The following POLR3B variants were observed in gnomAD, a reference collection of about 807,000 sequenced individuals.
POLR3B encodes RNA polymerase III subunit B.
A neutral mutation model predicts 147.4 loss-of-function variants in POLR3B; 96 were observed. The ratio of observed to expected loss-of-function variants is 0.65; its 90% CI spans 0.55 to 0.77. The LOEUF (loss-of-function observed/expected upper bound fraction) is 0.77. POLR3B is among the 30% of genes least tolerant of loss of function. The probability of loss-of-function intolerance (pLI) is 0.00; values close to 1 mark genes in which losing one functional copy is unlikely to be tolerated. For synonymous variants in POLR3B, 461 were observed against 485.9 expected, an observed-to-expected ratio of 0.95 and a Z score of 0.67; for missense variants, 1,036 against 1,413.5, an observed-to-expected ratio of 0.73 and a Z score of 4.28.
intron 21 of POLR3B, 25 bp from the exon 22 acceptor site, chr12:106,459,226 C>T (rs750215831): frequency 2.4e-6 from 3 of 1,224,642 alleles, no homozygotes; most frequent in Non-Finnish European, 3.6e-6. Flanking sequence ...TAACGATGTG[C>T]CTAACACTTT....
intron 9 of POLR3B, among the ~76,000 whole-genome samples, chr12:106,391,271 C>A (rs575508266): frequency 6.6e-6 from 1 of 152,228 alleles, no homozygotes; most frequent in Non-Finnish European, 1.5e-5. Context: ...TATCTTCCCC[C>A]AGAGAGAGCA....
intron 23 of POLR3B, among the ~76,000 whole-genome samples, chr12:106,476,165 T>C (rs2038167383): frequency 8.9e-6 from 1 of 112,058 alleles, no homozygotes; most frequent in African/African-American, 3.6e-5. Context: ...GGTTGAAAAT[T>C]CTTTTCTTTA....
At chr12:106,362,495 T>C (rs2036483972) in intron 1 of POLR3B, among the ~76,000 whole-genome samples, 1 of 152,216 alleles carries the variant, frequency 6.6e-6, no homozygotes, top group Non-Finnish European at 1.5e-5. Context: ...GGATCTGCTC[T>C]GGGCCGTCCC....
At chr12:106,455,579 G>C (rs1458163648) in intron 20 of POLR3B, among the ~76,000 whole-genome samples, 2 of 152,194 alleles carry the variant, frequency 1.3e-5, no homozygotes, top group Non-Finnish European at 2.9e-5. Context: ...TCAGTGATCT[G>C]AGTTTACTAT....
intron 9 of POLR3B, among the ~76,000 whole-genome samples, chr12:106,391,058 A>T (rs1417509823): frequency 1.3e-5 from 2 of 152,202 alleles, no homozygotes; most frequent in African/African-American, 4.8e-5. Context: ...CACCAAAGAG[A>T]ACAAAAGAAA....
intron 27 of POLR3B, among the ~76,000 whole-genome samples, chr12:106,505,480 G>A (rs2038672310): frequency 6.6e-6 from 1 of 152,022 alleles, no homozygotes; most frequent in Admixed American, 6.6e-5. Context: ...TAGAGACAGG[G>A]TTTCACCATA....
At chr12:106,426,780 A>G (rs1467193081) in intron 12 of POLR3B, among the ~76,000 whole-genome samples, 2 of 149,606 alleles carry the variant, frequency 1.3e-5, no homozygotes, top group African/African-American at 5.0e-5. Context: ...ACCTTTACCA[A>G]TGATACAGGA....
chr12:106,457,241 A>G lies in POLR3B; in HGVS notation c.2397A>G (p.Thr799=). ...KVMGPMLDAA[T]RKPIWRHEIL... ...TGGGGCCCATGTTGGATGCTGCTAC[A>G]AGGAAACCTATCTGGCGACATGAAA... Residue 799 remains threonine (T), a synonymous_variant, in exon 21 of 28, where the codon ACA becomes ACG. Transcript: ENST00000228347. 6.2e-7 allele frequency: 1 copy of G among 1,613,876 alleles called. No individual in the cohort carries two copies. Among genetic ancestry groups the G allele is most frequent in the Non-Finnish European group, 8.5e-7 (1 of 1,179,772 alleles).
At chr12:106,392,021 T>G (rs1028458716) in intron 9 of POLR3B, among the ~76,000 whole-genome samples, 2 of 152,236 alleles carry the variant, frequency 1.3e-5, no homozygotes, top group Non-Finnish European at 2.9e-5. Flanking sequence ...TGTTCCTTGA[T>G]ATGGCAAAAT....
At chr12:106,405,352 A>C (rs2250262) in intron 10 of POLR3B, among the ~76,000 whole-genome samples, 36,398 of 151,986 alleles carry the variant, frequency 0.24, 5,951 homozygotes, top group East Asian at 0.71. Flanking sequence ...AATACCATTG[A>C]ATCATCCAGT....
In POLR3B at chr12:106,369,603, A is replaced by G. The variant is rs752743933; in HGVS notation, c.324A>G (p.Thr108=). ...TTCAGTGCCGTTTGAGAGACATGACATACTCTGCCCCTATTACAGTGGATA... is the reference window on the plus strand; with the variant it reads ...TTCAGTGCCGTTTGAGAGACATGACGTACTCTGCCCCTATTACAGTGGATA... ...SPHECRLRDM[T]YSAPITVDIE... is the part of the protein sequence containing the mutation. Residue 108 remains threonine, a synonymous_variant, in exon 6 of 28, where the codon ACA becomes ACG. Coordinates refer to ENST00000228347, the MANE Select transcript of POLR3B (RefSeq NM_018082.6). The G allele has an allele frequency of 9.9e-6, 16 of 1,611,550 alleles. No individual in the cohort carries two copies. Among genetic ancestry groups the G allele is most frequent in the Middle Eastern group, 1.6e-4 (1 of 6,080 alleles).
intron 2 of POLR3B, among the ~76,000 whole-genome samples, chr12:106,366,198 A>C (rs1409359282): frequency 1.3e-5 from 2 of 152,216 alleles, no homozygotes; most frequent in African/African-American, 2.4e-5. Flanking sequence ...TGTGGTCTGT[A>C]GTTGAATGAA....
rs747265286 is a variant in POLR3B at position 106,496,907 on chromosome 12, C to T, written c.2973C>T (p.Ser991=). ...ACTTGGGGAAAGACTATGTTACATC[C>T]GGCATCACAGGGTAAGCATGCGATT... ...YNYLGKDYVT[S]GITGEPLEAY... is the part of the protein sequence containing the mutation. The change falls in exon 25 of 28, where the codon TCC becomes TCT. Residue 991 remains serine, a synonymous_variant. Transcript: ENST00000228347. 1.4e-5 allele frequency: 23 copies of T among 1,613,668 alleles called. No homozygotes were observed. The highest frequency in any genetic ancestry group is 9.9e-5 in the South Asian group (9 of 91,064).
intron 27 of POLR3B, among the ~76,000 whole-genome samples, chr12:106,505,391 G>T (rs757550734): frequency 6.6e-6 from 1 of 151,896 alleles, no homozygotes; most frequent in Non-Finnish European, 1.5e-5. Context: ...AGGCTCAAGC[G>T]ATCCTCTCAC....
At chr12:106,509,302 TAGAA>T in intron 27 of POLR3B, 114 bp from the exon 28 acceptor site, 1 of 1,069,798 alleles carries the variant, frequency 9.3e-7, no homozygotes. Flanking sequence ...CACTTAGGAA[TAGAA>T]AGATAATTTG....
At chr12:106,413,422 A>C (rs973252433) in intron 12 of POLR3B, among the ~76,000 whole-genome samples, 4 of 151,854 alleles carry the variant, frequency 2.6e-5, no homozygotes, top group African/African-American at 9.7e-5. Flanking sequence ...CAAATATTTC[A>C]CCTCCTTCTG....
chr12:106,415,016 G>C (rs527989103), intron 12 of POLR3B, among the ~76,000 whole-genome samples: 2 of 152,186 alleles, frequency 1.3e-5, no homozygotes, highest in East Asian at 3.9e-4. Flanking sequence ...GACTCTTTCT[G>C]TTCCTTCACT....
intron 25 of POLR3B, among the ~76,000 whole-genome samples, chr12:106,498,721 G>T (rs1397265828): frequency 6.6e-6 from 1 of 152,200 alleles, no homozygotes; most frequent in African/African-American, 2.4e-5. Context: ...GAGTAGTTGG[G>T]ACTACAGGCA....
rs935715811 is a variant in POLR3B, at chr12:106,392,008, C to T, written c.724-1023C>T. Among the ~76,000 whole-genome samples, 27 of 152,288 alleles carry T rather than the reference C, an allele frequency of 1.8e-4. 1 individual carries two copies. Among genetic ancestry groups the T allele is most frequent in the Admixed American group, 1.6e-3 (25 of 15,296 alleles). On this transcript the variant is annotated intron_variant, in intron 9 of 27. Coordinates refer to ENST00000228347, the MANE Select transcript of POLR3B (RefSeq NM_018082.6). ...CCAGGAGAGATTTAGTGAGATTATGCTGTGTTCCTTGATATGGCAAAATTC... is the reference window on the plus strand; with the variant it reads ...CCAGGAGAGATTTAGTGAGATTATGTTGTGTTCCTTGATATGGCAAAATTC...
Sources: gnomAD v4.1 joint callset for allele counts (sites outside exome capture counted in the v4.1 genomes callset) on GRCh38, gnomAD v4.1.1 for gene constraint, MANE v1.5 for transcripts, NCBI Gene and HGNC (gene_info 2026-07-23, HGNC 2026-07-21) for gene names.